Variants in ADGRL2 observed in about 807,000 individuals in gnomAD.
The protein encoded by ADGRL2 is adhesion G protein-coupled receptor L2.
Under a neutral mutation model 157.4 loss-of-function variants are expected in ADGRL2, and 44 were observed. The ratio of observed to expected loss-of-function variants is 0.28; its 90% CI spans 0.22 to 0.36. ADGRL2 has a LOEUF of 0.36. Among genes scored for constraint, ADGRL2 ranks in the 10% least tolerant of loss-of-function variants. The pLI, the probability that ADGRL2 is intolerant of heterozygous loss-of-function variation, is 1.00. For missense variants in ADGRL2, 1,510 were observed against 1,768.9 expected (o/e 0.85, Z 2.63); for synonymous variants, 585 against 624.7 (o/e 0.94, Z 0.95).
chr1:81,482,509 TGA>T (rs2078412083), intron 2 of ADGRL2, among the ~76,000 whole-genome samples: 1 of 152,272 alleles, frequency 6.6e-6, no homozygotes, highest in African/African-American at 2.4e-5. Context: ...TGTGCAAATC[TGA>T]GTTTAAAGCC....
chr1:81,419,331 G>C (rs2077086635), intron 1 of ADGRL2, among the ~76,000 whole-genome samples: 1 of 152,060 alleles, frequency 6.6e-6, no homozygotes, highest in Non-Finnish European at 1.5e-5. Flanking sequence ...AGCCTCCCTA[G>C]TAGCTGGGAT....
chr1:81,721,465 C>T (rs72715728), intron 1 of ADGRL2, among the ~76,000 whole-genome samples: 2,924 of 152,194 alleles, frequency 0.019, 39 homozygotes, highest in South Asian at 0.052. Flanking sequence ...AGTTAAAAAT[C>T]TGCAGGTAGG....
At chr1:81,881,490 A>C (rs1189594897) in intron 2 of ADGRL2, among the ~76,000 whole-genome samples, 1 of 152,206 alleles carries the variant, frequency 6.6e-6, no homozygotes, top group Non-Finnish European at 1.5e-5. Context: ...TTCAAATATT[A>C]GTCCCATGTT....
chr1:81,679,747 A>C (rs1385840226), intron 3 of ADGRL2, among the ~76,000 whole-genome samples: 1 of 152,218 alleles, frequency 6.6e-6, no homozygotes, highest in East Asian at 1.9e-4. Flanking sequence ...AATATTTGTT[A>C]ATAAATATGT....
intron 2 of ADGRL2, among the ~76,000 whole-genome samples, chr1:81,772,204 C>T (rs1037213207): frequency 1.4e-5 from 2 of 144,658 alleles, no homozygotes; most frequent in East Asian, 2.1e-4. Context: ...GAGCCGAGAT[C>T]GTGCCACTGC....
intron 1 of ADGRL2, among the ~76,000 whole-genome samples, chr1:81,748,770 C>T (rs147200918): frequency 3.0e-4 from 46 of 151,980 alleles, no homozygotes; most frequent in African/African-American, 8.7e-4. Context: ...CGGGTTCAAA[C>T]GATTTTCCTG....
chr1:81,557,786 G>T (rs950371508), intron 2 of ADGRL2: 17 of 148,542 alleles, frequency 1.1e-4, no homozygotes, highest in Non-Finnish European at 2.2e-4. Flanking sequence ...GCCAGTAGGG[G>T]CCCCTGTAGC....
intron 1 of ADGRL2, among the ~76,000 whole-genome samples, chr1:81,397,495 A>G (rs1184580641): frequency 6.6e-6 from 1 of 151,634 alleles, no homozygotes; most frequent in African/African-American, 2.4e-5. Flanking sequence ...AATTTCTTGC[A>G]TTTTTAGTAG....
intron 1 of ADGRL2, among the ~76,000 whole-genome samples, chr1:81,716,587 T>C (rs1018315112): frequency 3.9e-5 from 6 of 152,070 alleles, no homozygotes; most frequent in Admixed American, 2.0e-4. Context: ...AAAAATCTCT[T>C]AAAAGGAAAT....
intron 2 of ADGRL2, among the ~76,000 whole-genome samples, chr1:81,842,019 G>A (rs113396462): frequency 3.3e-5 from 5 of 152,172 alleles, no homozygotes; most frequent in South Asian, 2.1e-4. Context: ...GAAGATCTGC[G>A]GTGGGGCCCA....
chr1:81,539,107 C>CAGAATT, intron 2 of ADGRL2, among the ~76,000 whole-genome samples: 1 of 150,136 alleles, frequency 6.7e-6, no homozygotes, highest in South Asian at 2.1e-4. Context: ...GGATGTGAAA[C>CAGAATT]AGAATTAGGT....
At chr1:81,806,869 T>C (rs972770498) in intron 1 of ADGRL2, among the ~76,000 whole-genome samples, 2 of 152,058 alleles carry the variant, frequency 1.3e-5, no homozygotes, top group African/African-American at 2.4e-5. Flanking sequence ...TAAGGTGCTA[T>C]TTTTACAAAA....
intron 2 of ADGRL2, among the ~76,000 whole-genome samples, chr1:81,791,725 T>C (rs1035523123): frequency 1.3e-5 from 2 of 152,216 alleles, no homozygotes; most frequent in African/African-American, 4.8e-5. Context: ...CTAATTTTCC[T>C]GCAGGTTTAA....
intron 3 of ADGRL2, among the ~76,000 whole-genome samples, chr1:81,607,908 C>T (rs1027633857): frequency 6.6e-6 from 1 of 152,202 alleles, no homozygotes; most frequent in Non-Finnish European, 1.5e-5. Flanking sequence ...ATGTAGCTTT[C>T]TTTCCTCTCT....
intron 2 of ADGRL2, among the ~76,000 whole-genome samples, chr1:81,772,653 C>T (rs2149351666): frequency 6.6e-6 from 1 of 152,112 alleles, no homozygotes; most frequent in South Asian, 2.1e-4. Context: ...CACTTGAACC[C>T]GGGAGGCAGA....
chr1:81,888,105 G>T (rs534423124), intron 2 of ADGRL2, among the ~76,000 whole-genome samples: 1 of 152,138 alleles, frequency 6.6e-6, no homozygotes, highest in South Asian at 2.1e-4. Flanking sequence ...CTTTTAGAAC[G>T]ATGAAAGTAG....
Position 81,991,172 on chromosome 1 carries a change from C to A in ADGRL2, c.*27C>A. ...CATACAGCTAAGGAATTCCAAGGGC[C>A]ACATGCGAGTATTAATAAATAAAGA... On this transcript the variant is annotated 3_prime_UTR_variant, in exon 24 of 24. Coordinates refer to ENST00000686636, the MANE Select transcript of ADGRL2 (RefSeq NM_001366006.2). 1 of 1,566,812 alleles carries A rather than the reference C, an allele frequency of 6.4e-7. No homozygotes were observed. Among genetic ancestry groups the A allele is most frequent in the South Asian group, 1.2e-5 (1 of 86,088 alleles).
At chr1:81,711,931 A>G (rs17458522) in intron 1 of ADGRL2, among the ~76,000 whole-genome samples, 12,088 of 152,244 alleles carry the variant, frequency 0.079, 559 homozygotes, top group Middle Eastern at 0.1. Context: ...AATAAGTACA[A>G]TGATAGAGGA....
intron 2 of ADGRL2, among the ~76,000 whole-genome samples, chr1:81,511,400 G>GCACACACACACACA (rs149522214): frequency 7.1e-5 from 9 of 127,234 alleles, no homozygotes; most frequent in Non-Finnish European, 1.4e-4. Context: ...AAAAAAGCGC[G>GCACACACACACACA]CACACACACA....
Sources: allele counts gnomAD v4.1 joint callset (sites outside exome capture counted in the v4.1 genomes callset), GRCh38; gene constraint gnomAD v4.1.1; transcripts MANE v1.5; gene names NCBI Gene and HGNC (gene_info 2026-07-23, HGNC 2026-07-21).